The following SRD5A3 variants were observed in gnomAD, a reference collection of about 807,000 sequenced individuals.
SRD5A3 encodes steroid 5 alpha-reductase 3, also known as polyprenal reductase.
A neutral mutation model predicts 34.3 loss-of-function variants in SRD5A3; 24 were observed. That is an observed-to-expected ratio of 0.70 (90% CI 0.51 to 0.99). The LOEUF is 0.99. Among genes scored for constraint, SRD5A3 ranks in the 50% least tolerant of loss-of-function variants. The probability of loss-of-function intolerance (pLI) is 0.00; values close to 1 mark genes in which losing one functional copy is unlikely to be tolerated. For missense variants in SRD5A3, 350 were observed against 388.2 expected (o/e 0.90, Z 0.83); for synonymous variants, 161 against 167.3 (o/e 0.96, Z 0.29).
Position 55,364,442 on chromosome 4 carries a change from C to T in SRD5A3, c.562+171C>T, listed in dbSNP as rs1387697723. On this transcript the variant is annotated intron_variant, in intron 3 of 4. Transcript: ENST00000264228. ...TCGATTTTAAAAGGCCGGGCGTGGT[C>T]GCTTACACCTGTAATCCCACCACTT... 6.8e-6 allele frequency: 5 copies of T among 740,178 alleles called. No individual in the cohort carries two copies. In the African/African-American group the frequency reaches 6.9e-5, roughly 10 times the overall value. 45.9% of individuals were successfully genotyped at this position (740,178 alleles called of 1,614,324 possible). A position where few individuals can be genotyped will look rare whatever the true frequency, so the allele number is the denominator to read the frequency against.
intron 1 of SRD5A3, among the ~76,000 whole-genome samples, chr4:55,350,936 T>A (rs1445877486): frequency 6.6e-6 from 1 of 151,314 alleles, no homozygotes; most frequent in African/African-American, 2.4e-5. Flanking sequence ...CTAATTTTTT[T>A]TGTTTTTTTA....
chr4:55,365,310 C>T (rs1329274600), intron 3 of SRD5A3, among the ~76,000 whole-genome samples: 1 of 152,170 alleles, frequency 6.6e-6, no homozygotes, highest in African/African-American at 2.4e-5. Flanking sequence ...CCGTGAAAGT[C>T]GTCTCTCTGT....
chr4:55,350,943 T>A (rs1187478805), intron 1 of SRD5A3, among the ~76,000 whole-genome samples: 1 of 151,684 alleles, frequency 6.6e-6, no homozygotes, highest in Non-Finnish European at 1.5e-5. Flanking sequence ...TTTTTGTTTT[T>A]TTAGTAGAGA....
chr4:55,348,471 T>C (rs560989441), intron 1 of SRD5A3, among the ~76,000 whole-genome samples: 59 of 152,362 alleles, frequency 3.9e-4, no homozygotes, highest in South Asian at 2.3e-3. Context: ...GGTAAGAGTC[T>C]ATGGCCTCTT....
intron 4 of SRD5A3, among the ~76,000 whole-genome samples, chr4:55,368,573 C>T (rs1719997393): frequency 6.8e-6 from 1 of 148,078 alleles, no homozygotes; most frequent in Admixed American, 6.8e-5. Flanking sequence ...TACAGGTGCG[C>T]ACCACTATGC....
intron 1 of SRD5A3, chr4:55,352,420 A>G: frequency 1.3e-6 from 1 of 751,966 alleles, no homozygotes; most frequent in Non-Finnish European, 2.5e-6. Flanking sequence ...GTCACACCAC[A>G]CTCCTGTGCT....
rs533560459 is a variant in SRD5A3 at position 55,347,986 on chromosome 4, G to T, written c.221+1429G>T. 6.6e-4 allele frequency among the ~76,000 whole-genome samples: 101 copies of T among 152,226 alleles called. 1 individual carries two copies. Among genetic ancestry groups the T allele is most frequent in the African/African-American group, 2.3e-3 (97 of 41,530 alleles). ...ATTTATTTTCTGAGTTTTGAGAAAG[G>T]TACTAGTCTAGTGTACCTGGATTAA... On this transcript the variant is annotated intron_variant, in intron 1 of 4. Transcript: ENST00000264228.
intron 1 of SRD5A3, among the ~76,000 whole-genome samples, chr4:55,353,549 C>G (rs764049009): frequency 3.3e-5 from 5 of 152,202 alleles, no homozygotes; most frequent in Admixed American, 1.3e-4. Flanking sequence ...CCCCTTCTAC[C>G]CTGTGGAGGC....
At chr4:55,349,095 C>T (rs1005195994) in intron 1 of SRD5A3, among the ~76,000 whole-genome samples, 1 of 152,136 alleles carries the variant, frequency 6.6e-6, no homozygotes, top group African/African-American at 2.4e-5. Context: ...AACGTAGTGG[C>T]TCAGTCTTAG....
At chr4:55,348,916 T>A (rs1719089574) in intron 1 of SRD5A3, among the ~76,000 whole-genome samples, 1 of 152,244 alleles carries the variant, frequency 6.6e-6, no homozygotes, top group South Asian at 2.1e-4. Context: ...GAGAATGGAT[T>A]TATCCCAGAT....
intron 1 of SRD5A3, among the ~76,000 whole-genome samples, chr4:55,353,909 A>G (rs1331503413): frequency 1.3e-5 from 2 of 152,210 alleles, no homozygotes; most frequent in Non-Finnish European, 1.5e-5. Flanking sequence ...TCTTGAAGTC[A>G]GCAAGACCAA....
intron 1 of SRD5A3, among the ~76,000 whole-genome samples, chr4:55,346,927 T>C (rs1051256290): frequency 9.1e-6 from 1 of 110,272 alleles, no homozygotes; most frequent in Admixed American, 8.6e-5. Flanking sequence ...CCCCAAATTC[T>C]CCTTTTTCCC....
intron 1 of SRD5A3, among the ~76,000 whole-genome samples, chr4:55,350,054 G>A (rs1719130124): frequency 6.6e-6 from 1 of 152,032 alleles, no homozygotes; most frequent in South Asian, 2.1e-4. Flanking sequence ...ACTAGATCTT[G>A]TTAGTAGACA....
chr4:55,351,760 C>A, intron 1 of SRD5A3: 1 of 450,238 alleles, frequency 2.2e-6, no homozygotes. Flanking sequence ...AATGAACTGG[C>A]AGCAAGAGAA....
chr4:55,349,566 C>CT (rs938683137), intron 1 of SRD5A3, among the ~76,000 whole-genome samples: 2 of 148,984 alleles, frequency 1.3e-5, no homozygotes, highest in Non-Finnish European at 3.0e-5. Flanking sequence ...GTGATGGTTG[C>CT]TTTTTTTTGT....
chr4:55,372,276 A>C lies in SRD5A3; in HGVS notation c.*2185A>C, dbSNP rs529433237. On this transcript the variant is annotated 3_prime_UTR_variant, in exon 5 of 5. Transcript: ENST00000264228. ...CTAGAGATTTGGCTGATGTTCTGGA[A>C]TCTCATTGTACTCTTAAGTAAAATA... The C allele has an allele frequency of 2.6e-5, 4 of 152,110 alleles. No individual in the cohort carries two copies. Among genetic ancestry groups the C allele is most frequent in the African/African-American group, 4.8e-5 (2 of 41,414 alleles). The allele number at this position is 152,110 out of a possible 1,614,324, so 9.4% of individuals were successfully genotyped here.
intron 3 of SRD5A3, among the ~76,000 whole-genome samples, chr4:55,365,376 GA>G (rs1256674115): frequency 6.6e-6 from 1 of 152,194 alleles, no homozygotes; most frequent in Non-Finnish European, 1.5e-5. Context: ...AGGATTTATT[GA>G]CGATCTTTCT....
At chr4:55,359,952 C>T (rs1391662239) in intron 2 of SRD5A3, among the ~76,000 whole-genome samples, 1 of 152,210 alleles carries the variant, frequency 6.6e-6, no homozygotes, top group Non-Finnish European at 1.5e-5. Flanking sequence ...GTGGCTCACG[C>T]CTGTAATCCC....
intron 1 of SRD5A3, among the ~76,000 whole-genome samples, chr4:55,349,813 T>G (rs1719122577): frequency 6.6e-6 from 1 of 152,212 alleles, no homozygotes; most frequent in Non-Finnish European, 1.5e-5. Context: ...TCAGAGGATC[T>G]GTGGATAGAA....
Sources: gnomAD v4.1 joint callset for allele counts (sites outside exome capture counted in the v4.1 genomes callset) on GRCh38, gnomAD v4.1.1 for gene constraint, MANE v1.5 for transcripts, NCBI Gene and HGNC (gene_info 2026-07-23, HGNC 2026-07-21) for gene names.